Variants in GTF2H2C observed in about 807,000 individuals in gnomAD.
GTF2H2C encodes GTF2H2 family member C, also known as general transcription factor IIH subunit 2-like protein.
GTF2H2C carries 5 observed loss-of-function variants against 24.8 expected under a neutral mutation model. The ratio of observed to expected loss-of-function variants is 0.20; its 90% CI spans 0.11 to 0.42. GTF2H2C has a LOEUF of 0.42. GTF2H2C is among the 20% of genes least tolerant of loss of function. The probability of loss-of-function intolerance (pLI) is 1.00; values close to 1 mark genes in which losing one functional copy is unlikely to be tolerated. For missense variants in GTF2H2C, 45 were observed against 169.8 expected, an observed-to-expected ratio of 0.27 and a Z score of 4.08; for synonymous variants, 14 against 52.6, an observed-to-expected ratio of 0.27 and a Z score of 3.18.
At chr5:69,561,740 C>T (rs1353922037) in intron 1 of GTF2H2C, among the ~76,000 whole-genome samples, 1 of 151,826 alleles carries the variant, frequency 6.6e-6, no homozygotes, top group Non-Finnish European at 1.5e-5. Flanking sequence ...CTCTCCTGGG[C>T]TCAAGCCATC....
In GTF2H2C at chr5:69,560,292, C is replaced by T. The variant is rs1341152343; in HGVS notation, c.-243C>T. 6.6e-6 allele frequency: 1 copy of T among 152,260 alleles called. No individual in the cohort carries two copies. 9.4% of individuals were successfully genotyped at this position (152,260 alleles called of 1,614,324 possible). A position where few individuals can be genotyped will look rare whatever the true frequency, so the allele number is the denominator to read the frequency against. On this transcript the variant is annotated 5_prime_UTR_variant, in exon 1 of 17. Coordinates refer to ENST00000380729, the MANE Select transcript of GTF2H2C (RefSeq NM_001376000.2). ...GAGGCGCAGAGGTGGGGCAGGCCGT[C>T]TGACTAGCTAGGCGGCTGGGAGCGT...
At chr5:69,580,170 G>A (rs1466886293) in intron 12 of GTF2H2C, among the ~76,000 whole-genome samples, 1 of 140,072 alleles carries the variant, frequency 7.1e-6, no homozygotes. Context: ...CGAGGTGGGC[G>A]GATCTTGAGG....
intron 3 of GTF2H2C, 58 bp from the exon 4 acceptor site, chr5:69,566,073 C>T (rs553344627): frequency 7.4e-7 from 1 of 1,344,370 alleles, no homozygotes; most frequent in African/African-American, 1.5e-5. Context: ...ATTTTCATTT[C>T]ATTTGGGCTA....
chr5:69,560,697 G>A (rs914622650), intron 1 of GTF2H2C: 1 of 151,416 alleles, frequency 6.6e-6, no homozygotes, highest in African/African-American at 2.4e-5. Flanking sequence ...AATCACACCA[G>A]TAGGCTTATG....
At chr5:69,577,422 T>G (rs1308344804) in intron 9 of GTF2H2C, among the ~76,000 whole-genome samples, 1 of 143,460 alleles carries the variant, frequency 7.0e-6, no homozygotes, top group Non-Finnish European at 1.5e-5. Flanking sequence ...GAACTTTTCT[T>G]TTTCTTTCTT....
intron 12 of GTF2H2C, among the ~76,000 whole-genome samples, chr5:69,580,886 C>CT (rs1192484378): frequency 7.8e-4 from 98 of 126,418 alleles, no homozygotes; most frequent in African/African-American, 2.7e-3. Flanking sequence ...TTTTGGATCA[C>CT]TTTTTTTTTT....
At chr5:69,563,288 C>T (rs570702615) in intron 2 of GTF2H2C, among the ~76,000 whole-genome samples, 1 of 143,142 alleles carries the variant, frequency 7.0e-6, no homozygotes, top group South Asian at 2.2e-4. Context: ...GACCTTGGCT[C>T]ATTGCAGCTT....
In GTF2H2C at chr5:69,594,671, T is replaced by C. The variant is rs1214483721; in HGVS notation, c.*2473T>C. The C allele has an allele frequency of 1.8e-5, 2 of 110,326 alleles. No homozygotes were observed. Among genetic ancestry groups the C allele is most frequent in the African/African-American group, 6.3e-5 (2 of 31,594 alleles). The allele number at this position is 110,326 out of a possible 1,614,324, so 6.8% of individuals were successfully genotyped here. On this transcript the variant is annotated 3_prime_UTR_variant, in exon 17 of 17. Coordinates refer to ENST00000380729, the MANE Select transcript of GTF2H2C (RefSeq NM_001376000.2). Reference sequence around the variant, plus strand: ...ACTCAGAGCATTCTATCTCCCCCTATCTGGTTTAGAAGGAAGGCCTTCATT... The same window carrying C: ...ACTCAGAGCATTCTATCTCCCCCTACCTGGTTTAGAAGGAAGGCCTTCATT...
In GTF2H2C at chr5:69,590,326, A is replaced by C. The variant is rs1335976300; in HGVS notation, c.1029-2A>C. The C allele has an allele frequency of 4.9e-6, 1 of 204,714 alleles. No individual in the cohort carries two copies. Among genetic ancestry groups the C allele is most frequent in the Non-Finnish European group, 8.8e-6 (1 of 113,394 alleles). 12.7% of individuals were successfully genotyped at this position (204,714 alleles called of 1,614,324 possible). On this transcript the variant is annotated splice_acceptor_variant, in intron 15 of 16. Coordinates refer to ENST00000380729, the MANE Select transcript of GTF2H2C (RefSeq NM_001376000.2). LOFTEE classifies it high-confidence loss of function. ...AAAAACATTGTTAAACTTTTTTTTCAGATTTTGTTATGGATGTCAGGGGGA... is the reference window on the plus strand; with the variant it reads ...AAAAACATTGTTAAACTTTTTTTTCCGATTTTGTTATGGATGTCAGGGGGA...
chr5:69,563,077 G>A (rs1302186519), intron 2 of GTF2H2C, among the ~76,000 whole-genome samples: 2 of 148,748 alleles, frequency 1.3e-5, no homozygotes, highest in Non-Finnish European at 3.0e-5. Context: ...AGCCTCCCCA[G>A]TAGCTGGGAT....
intron 2 of GTF2H2C, among the ~76,000 whole-genome samples, chr5:69,564,128 C>T (rs956355661): frequency 1.3e-5 from 2 of 149,366 alleles, no homozygotes; most frequent in African/African-American, 5.0e-5. Flanking sequence ...ATCCATGTTG[C>T]TGCAAAAGAC....
chr5:69,563,714 A>G (rs1770552805), intron 2 of GTF2H2C, among the ~76,000 whole-genome samples: 1 of 151,924 alleles, frequency 6.6e-6, no homozygotes, highest in Non-Finnish European at 1.5e-5. Context: ...AATAGTCTCC[A>G]ATGTCTGTTG....
At chr5:69,582,104 GA>G (rs1191320449) in intron 12 of GTF2H2C, among the ~76,000 whole-genome samples, 12 of 38,424 alleles carry the variant, frequency 3.1e-4, no homozygotes, top group African/African-American at 5.8e-4. Flanking sequence ...TCCATCTCAA[GA>G]AAAAAAAAAA....
chr5:69,563,403 C>T (rs1289445184), intron 2 of GTF2H2C, among the ~76,000 whole-genome samples: 2 of 151,430 alleles, frequency 1.3e-5, no homozygotes, highest in African/African-American at 2.4e-5. Flanking sequence ...TTAGTAGAGA[C>T]GGGTGTTGCC....
At position 69,594,390 on chromosome 5, in the gene GTF2H2C, C is replaced by G. The variant is rs1236323072; in HGVS notation, c.*2192C>G. ...ACATTATCAGTAAAGACAACGTAAT[C>G]CCACCCTGGAGAGTTTATTGGGAGC... On this transcript the variant is annotated 3_prime_UTR_variant, in exon 17 of 17. Transcript: ENST00000380729. 1.4e-5 allele frequency: 2 copies of G among 145,484 alleles called. No individual in the cohort carries two copies. The highest frequency in any genetic ancestry group is 7.2e-5 in the Admixed American group (1 of 13,822). The allele number at this position is 145,484 out of a possible 1,614,324, so 9.0% of individuals were successfully genotyped here.
At chr5:69,577,353 C>T (rs1771354903) in intron 9 of GTF2H2C, among the ~76,000 whole-genome samples, 1 of 128,762 alleles carries the variant, frequency 7.8e-6, no homozygotes. Context: ...AAGGTGTGTA[C>T]TTTTTTTTTT....
At chr5:69,563,636 C>G (rs1045385102) in intron 2 of GTF2H2C, among the ~76,000 whole-genome samples, 5 of 151,960 alleles carry the variant, frequency 3.3e-5, no homozygotes, top group Non-Finnish European at 5.9e-5. Flanking sequence ...ATCCCGTCAC[C>G]CTGGTAGTAA....
Position 69,582,709 on chromosome 5 carries a change from G to T in GTF2H2C, c.821+280G>T, listed in dbSNP as rs1771669264. 8.1e-5 allele frequency among the ~76,000 whole-genome samples: 2 copies of T among 24,636 alleles called. 1 individual carries two copies. Among genetic ancestry groups the T allele is most frequent in the Non-Finnish European group, 1.9e-4 (2 of 10,716 alleles). The allele number at this position is 24,636 out of a possible 152,430, so 16.2% of individuals were successfully genotyped here. On this transcript the variant is annotated intron_variant, in intron 13 of 16. Coordinates refer to ENST00000380729, the MANE Select transcript of GTF2H2C (RefSeq NM_001376000.2). ...AAATAATAAAAACTTAAAAGGGGTG[G>T]AGGGGGAAATTTTTTTTTTTAATGT...
intron 8 of GTF2H2C, among the ~76,000 whole-genome samples, chr5:69,570,538 A>AT (rs1771027441): frequency 2.0e-5 from 1 of 50,244 alleles, no homozygotes; most frequent in African/African-American, 7.1e-5. Flanking sequence ...ATAACATTTT[A>AT]TTTTTTAATA....
Sources: gnomAD v4.1 joint callset for allele counts (sites outside exome capture counted in the v4.1 genomes callset) on GRCh38, gnomAD v4.1.1 for gene constraint, MANE v1.5 for transcripts, NCBI Gene and HGNC (gene_info 2026-07-23, HGNC 2026-07-21) for gene names.